Variants in FGF12 observed in about 807,000 individuals in gnomAD.
FGF12 encodes fibroblast growth factor 12B.
A neutral mutation model predicts 23.6 loss-of-function variants in FGF12; 14 were observed. That is an observed-to-expected ratio of 0.59 (90% CI 0.39 to 0.93). The LOEUF (loss-of-function observed/expected upper bound fraction) is 0.93. Among genes scored for constraint, FGF12 ranks in the 40% least tolerant of loss-of-function variants. The pLI, the probability that FGF12 is intolerant of heterozygous loss-of-function variation, is 0.00. For missense variants in FGF12, 175 were observed against 217.8 expected, an observed-to-expected ratio of 0.80 and a Z score of 1.24; for synonymous variants, 62 against 77.3, an observed-to-expected ratio of 0.80 and a Z score of 1.04.
In FGF12 at chr3:192,561,153, T is replaced by TAC. The variant is rs566934202; in HGVS notation, c.13+166026_13+166027dup. On this transcript the variant is annotated intron_variant, in intron 2 of 5. Transcript: ENST00000445105. ...AACCAACATATATATATGCCATATA[T>TAC]ACACACACACAAACACACGCACAGC... Among the ~76,000 whole-genome samples, 57 of 151,892 alleles carry TAC rather than the reference T, an allele frequency of 3.8e-4. 1 individual carries two copies. In the South Asian group the frequency reaches 0.012, roughly 31 times the overall value.
At chr3:192,607,245 C>T (rs1026475446) in intron 2 of FGF12, among the ~76,000 whole-genome samples, 1 of 152,138 alleles carries the variant, frequency 6.6e-6, no homozygotes, top group Non-Finnish European at 1.5e-5. Context: ...CCCATGAAAT[C>T]CACCTTATCC....
At position 192,361,169 on chromosome 3, in the gene FGF12, CAAAAAAA is replaced by C. The variant is rs10651290; in HGVS notation, c.14-638_14-632del. ...TGTTCCAAAGTTCATTTCTCCAGTA[CAAAAAAA>C]AAAAAAAAAAAAAAAATCAAGTCAT... On this transcript the variant is annotated intron_variant, in intron 2 of 5. Transcript: ENST00000445105. Among the ~76,000 whole-genome samples, 192 of 98,766 alleles carry C rather than the reference CAAAAAAA, an allele frequency of 1.9e-3. 1 individual carries two copies. In the Middle Eastern group the frequency reaches 0.042, roughly 21 times the overall value. The allele number at this position is 98,766 out of a possible 152,430, so 64.8% of individuals were successfully genotyped here. A position where few individuals can be genotyped will look rare whatever the true frequency, so the allele number is the denominator to read the frequency against.
At chr3:192,700,228 A>T (rs964705692) in intron 2 of FGF12, among the ~76,000 whole-genome samples, 8 of 152,152 alleles carry the variant, frequency 5.3e-5, no homozygotes, top group Non-Finnish European at 1.0e-4. Flanking sequence ...CAGTCCAAAA[A>T]TGGACACAAT....
At chr3:192,431,444 T>C (rs1342999387) in intron 2 of FGF12, among the ~76,000 whole-genome samples, 1 of 152,208 alleles carries the variant, frequency 6.6e-6, no homozygotes, top group Non-Finnish European at 1.5e-5. Flanking sequence ...TTAAAAAGCA[T>C]ATAGCACTTT....
intron 2 of FGF12, among the ~76,000 whole-genome samples, chr3:192,537,538 T>C (rs2108854452): frequency 6.6e-6 from 1 of 152,360 alleles, no homozygotes; most frequent in Middle Eastern, 3.4e-3. Flanking sequence ...TGTTAGCATT[T>C]CTCTGATAAT....
chr3:192,250,502 T>C (rs963680231), intron 4 of FGF12, among the ~76,000 whole-genome samples: 7 of 152,150 alleles, frequency 4.6e-5, no homozygotes, highest in African/African-American at 1.7e-4. Flanking sequence ...TTGATAAATA[T>C]TCAAATATTA....
At chr3:192,324,556 T>C (rs1354310381) in intron 4 of FGF12, among the ~76,000 whole-genome samples, 1 of 152,242 alleles carries the variant, frequency 6.6e-6, no homozygotes, top group African/African-American at 2.4e-5. Context: ...CATATCCTCA[T>C]TATTACCCCT....
At chr3:192,650,725 A>T (rs1716184411) in intron 2 of FGF12, among the ~76,000 whole-genome samples, 1 of 152,208 alleles carries the variant, frequency 6.6e-6, no homozygotes, top group South Asian at 2.1e-4. Context: ...AGTATTCTTG[A>T]CCTAAGGAAT....
intron 2 of FGF12, among the ~76,000 whole-genome samples, chr3:192,652,687 C>A (rs558779383): frequency 8.6e-5 from 13 of 152,012 alleles, no homozygotes; most frequent in African/African-American, 3.1e-4. Flanking sequence ...AGGGTAGGGC[C>A]CAGAAGTCTG....
chr3:192,516,053 CA>C (rs1169937852), intron 2 of FGF12, among the ~76,000 whole-genome samples: 1 of 152,132 alleles, frequency 6.6e-6, no homozygotes, highest in African/African-American at 2.4e-5. Context: ...TGACCTTGAA[CA>C]AATTACTTAA....
chr3:192,367,748 A>C (rs1719045950), intron 2 of FGF12, among the ~76,000 whole-genome samples: 1 of 152,186 alleles, frequency 6.6e-6, no homozygotes, highest in African/African-American at 2.4e-5. Flanking sequence ...CACCTTCCAG[A>C]ACTGAAAGGA....
intron 4 of FGF12, among the ~76,000 whole-genome samples, chr3:192,240,818 C>G (rs1719580397): frequency 6.6e-6 from 1 of 152,076 alleles, no homozygotes; most frequent in Non-Finnish European, 1.5e-5. Context: ...TACTATCATG[C>G]TTTTCACCAT....
rs1721120490 is a variant in FGF12 at position 192,409,648 on chromosome 3, G to A, written c.14-49110C>T. On this transcript the variant is annotated intron_variant, in intron 2 of 5. Transcript: ENST00000445105. This position sits in a 1 kb window ranked among gnomAD's most constrained non-coding sequence, Gnocchi z 4.8. ...CGTCCGCTCGGGTGGGGCGGGGGCT[G>A]GCTGCAGGCGATGTTGGCTCGCGGC... Among the ~76,000 whole-genome samples the A allele has an allele frequency of 6.6e-6, 1 of 152,190 alleles. No individual in the cohort carries two copies. Among genetic ancestry groups the A allele is most frequent in the South Asian group, 2.1e-4 (1 of 4,836 alleles).
intron 2 of FGF12, among the ~76,000 whole-genome samples, chr3:192,505,892 G>A (rs1724276937): frequency 6.6e-6 from 1 of 152,232 alleles, no homozygotes; most frequent in African/African-American, 2.4e-5. Flanking sequence ...TTCGAAGGAG[G>A]AGGGTTGGGG....
At chr3:192,580,452 A>C (rs889042278) in intron 2 of FGF12, among the ~76,000 whole-genome samples, 1 of 152,220 alleles carries the variant, frequency 6.6e-6, no homozygotes, top group Non-Finnish European at 1.5e-5. Flanking sequence ...ACTGTGGAGC[A>C]GCTTGCTAAG....
chr3:192,614,880 C>T (rs1714689999), intron 2 of FGF12, among the ~76,000 whole-genome samples: 1 of 151,994 alleles, frequency 6.6e-6, no homozygotes, highest in South Asian at 2.1e-4. Flanking sequence ...AGTACTTCAA[C>T]CTTCAGAATG....
intron 2 of FGF12, among the ~76,000 whole-genome samples, chr3:192,511,165 T>C (rs576742124): frequency 1.2e-4 from 18 of 151,392 alleles, no homozygotes; most frequent in African/African-American, 3.2e-4. Flanking sequence ...CAGAAGGAGG[T>C]TGATTTTCTG....
chr3:192,306,813 T>A (rs1338400611), intron 4 of FGF12, among the ~76,000 whole-genome samples: 1 of 152,214 alleles, frequency 6.6e-6, no homozygotes, highest in Admixed American at 6.5e-5. Context: ...GGATAATGAA[T>A]GGATTTAAAA....
intron 2 of FGF12, among the ~76,000 whole-genome samples, chr3:192,492,579 A>C (rs1335779106): frequency 1.3e-5 from 2 of 152,228 alleles, no homozygotes; most frequent in Non-Finnish European, 2.9e-5. Flanking sequence ...ACTGTTAAAA[A>C]AAAGTATGGT....
Sources: allele counts gnomAD v4.1 joint callset (sites outside exome capture counted in the v4.1 genomes callset), GRCh38; gene constraint gnomAD v4.1.1; non-coding constraint Gnocchi (gnomAD v3.1); transcripts MANE v1.5; gene names NCBI Gene and HGNC (gene_info 2026-07-23, HGNC 2026-07-21).